RBKS: variants seen among roughly 807,000 people sequenced by gnomAD.
RBKS encodes the protein ribokinase.
In RBKS, 33 loss-of-function variants were observed where a neutral mutation model predicts 33.9. The ratio of observed to expected loss-of-function variants is 0.97; its 90% CI spans 0.74 to 1.30. RBKS has a LOEUF of 1.30. Among genes scored for constraint, RBKS ranks in the 50% most tolerant of loss-of-function variants. RBKS has a pLI of 0.00. For synonymous variants in RBKS, 125 were observed against 143.0 expected (o/e 0.87, Z 0.90); for missense variants, 361 against 392.6 (o/e 0.92, Z 0.68).
intron 4 of RBKS, among the ~76,000 whole-genome samples, chr2:27,844,255 C>CT (rs1663571764): frequency 8.0e-6 from 1 of 125,530 alleles, no homozygotes; most frequent in South Asian, 2.6e-4. Flanking sequence ...GAGTGAGACT[C>CT]TGTCTCAGAA....
At chr2:27,799,373 C>A (rs1190684316) in intron 7 of RBKS, among the ~76,000 whole-genome samples, 1 of 152,166 alleles carries the variant, frequency 6.6e-6, no homozygotes, top group Non-Finnish European at 1.5e-5. Context: ...TGAGTCACTA[C>A]CCAAACTGCC....
At chr2:27,860,530 C>A (rs1486462853) in intron 1 of RBKS, among the ~76,000 whole-genome samples, 1 of 152,090 alleles carries the variant, frequency 6.6e-6, no homozygotes, top group Non-Finnish European at 1.5e-5. Flanking sequence ...TGGTTTGAAT[C>A]AAGTGTAATT....
chr2:27,858,355 G>T (rs1341953053), intron 2 of RBKS, 84 bp downstream of exon 2: 2 of 1,420,042 alleles, frequency 1.4e-6, no homozygotes, highest in East Asian at 2.3e-5. Context: ...CTCTAAAATG[G>T]TTGAAAAAAT....
intron 1 of RBKS, among the ~76,000 whole-genome samples, chr2:27,879,126 CT>C (rs1664371853): frequency 6.6e-6 from 1 of 152,162 alleles, no homozygotes; most frequent in South Asian, 2.1e-4. Flanking sequence ...CTTCCTTCCC[CT>C]TTTTTTCTGG....
intron 5 of RBKS, among the ~76,000 whole-genome samples, chr2:27,835,506 C>T: frequency 6.8e-6 from 1 of 147,880 alleles, no homozygotes; most frequent in Non-Finnish European, 1.5e-5. Context: ...GCAACCTCCA[C>T]CTCCCAGACT....
At chr2:27,869,362 A>T (rs919208388) in intron 1 of RBKS, among the ~76,000 whole-genome samples, 2 of 152,168 alleles carry the variant, frequency 1.3e-5, no homozygotes, top group African/African-American at 4.8e-5. Context: ...ATCAAATTTA[A>T]CTTTTCTTCT....
chr2:27,835,236 A>T (rs532605680), intron 5 of RBKS, among the ~76,000 whole-genome samples: 5 of 150,920 alleles, frequency 3.3e-5, no homozygotes, highest in Non-Finnish European at 7.4e-5. Flanking sequence ...AGATCGCGTC[A>T]TTGCACTCCA....
chr2:27,863,092 A>G (rs192442217), intron 1 of RBKS, among the ~76,000 whole-genome samples: 82 of 152,366 alleles, frequency 5.4e-4, no homozygotes, highest in Non-Finnish European at 1.0e-3. Context: ...TAGTAGAAAT[A>G]CATTGTTACT....
At chr2:27,783,708 C>T (rs902996530) in intron 7 of RBKS, among the ~76,000 whole-genome samples, 2 of 151,894 alleles carry the variant, frequency 1.3e-5, no homozygotes, top group Non-Finnish European at 2.9e-5. Context: ...GAGATCGAGA[C>T]CATCCCGGCT....
intron 1 of RBKS, chr2:27,889,836 CA>C (rs1664675824): frequency 6.1e-6 from 1 of 163,532 alleles, no homozygotes; most frequent in South Asian, 1.8e-4. Context: ...TTACGCTTGA[CA>C]AAACACTTTA....
chr2:27,843,743 A>T (rs377765112), intron 4 of RBKS, among the ~76,000 whole-genome samples: 22 of 152,358 alleles, frequency 1.4e-4, no homozygotes, highest in African/African-American at 5.3e-4. Flanking sequence ...TGTATCAGAT[A>T]TAGAGGAGAG....
At chr2:27,830,848 G>A (rs1214155258) in intron 6 of RBKS, among the ~76,000 whole-genome samples, 1 of 152,194 alleles carries the variant, frequency 6.6e-6, no homozygotes, top group Non-Finnish European at 1.5e-5. Context: ...CAGAAGTGAT[G>A]CCGTGTTACT....
chr2:27,846,628 T>C (rs1663624752), intron 4 of RBKS, among the ~76,000 whole-genome samples: 1 of 152,236 alleles, frequency 6.6e-6, no homozygotes, highest in Non-Finnish European at 1.5e-5. Context: ...GCTCAGAACA[T>C]ATTCTATAAA....
At chr2:27,801,998 T>A (rs1367916675) in intron 7 of RBKS, among the ~76,000 whole-genome samples, 63 of 99,514 alleles carry the variant, frequency 6.3e-4, no homozygotes, top group African/African-American at 1.2e-3. Flanking sequence ...ATATATTTTT[T>A]TTTTTTTTTT....
chr2:27,845,474 G>A (rs1178574006), intron 4 of RBKS, among the ~76,000 whole-genome samples: 1 of 152,082 alleles, frequency 6.6e-6, no homozygotes, highest in Non-Finnish European at 1.5e-5. Context: ...ATCTTTGCAT[G>A]GAAAATGCAG....
chr2:27,890,072 C>T lies in RBKS; in HGVS notation c.89+185G>A. 5.2e-6 allele frequency: 3 copies of T among 581,642 alleles called. No homozygotes were observed. The highest frequency in any genetic ancestry group is 9.2e-6 in the Non-Finnish European group (3 of 326,706). 36.0% of individuals were successfully genotyped at this position (581,642 alleles called of 1,614,324 possible). A position where few individuals can be genotyped will look rare whatever the true frequency, so the allele number is the denominator to read the frequency against. On this transcript the variant is annotated intron_variant, in intron 1 of 7. Transcript: ENST00000302188. The surrounding 1 kb of genome is among the most constrained non-coding windows in gnomAD (Gnocchi z 4.8). ...TTACGTCCCCTCCCCTGAGATTTACCTTTATATACTCAAGTTCTTTCATGC... is the reference window on the plus strand; with the variant it reads ...TTACGTCCCCTCCCCTGAGATTTACTTTTATATACTCAAGTTCTTTCATGC...
At chr2:27,889,639 T>C (rs917219539) in intron 1 of RBKS, among the ~76,000 whole-genome samples, 5 of 152,334 alleles carry the variant, frequency 3.3e-5, no homozygotes, top group South Asian at 2.1e-4. Context: ...TTTTCAGAGG[T>C]TGTAAATACT....
At chr2:27,851,024 A>C (rs887750004) in intron 2 of RBKS, among the ~76,000 whole-genome samples, 1 of 152,122 alleles carries the variant, frequency 6.6e-6, no homozygotes, top group Non-Finnish European at 1.5e-5. Flanking sequence ...TGGCTCCTGT[A>C]GGCCTTTAGT....
intron 7 of RBKS, chr2:27,809,778 T>G (rs1318504207): frequency 1.5e-5 from 6 of 389,344 alleles, no homozygotes; most frequent in Non-Finnish European, 2.7e-5. Flanking sequence ...GAAAAATGCA[T>G]GCTAAATAAT....
Sources: gnomAD v4.1 joint callset for allele counts (sites outside exome capture counted in the v4.1 genomes callset) on GRCh38, gnomAD v4.1.1 for gene constraint, Gnocchi (gnomAD v3.1) non-coding constraint, MANE v1.5 for transcripts, NCBI Gene and HGNC (gene_info 2026-07-23, HGNC 2026-07-21) for gene names.